Variants in KLF9 observed in about 807,000 individuals in gnomAD.
KLF9 encodes KLF transcription factor 9.
Under a neutral mutation model 17.3 loss-of-function variants are expected in KLF9, and 2 were observed. That is an observed-to-expected ratio of 0.12 (90% CI 0.05 to 0.36). KLF9 has a LOEUF of 0.36. KLF9 is among the 10% of genes least tolerant of loss of function. The probability of loss-of-function intolerance (pLI) is 1.00; values close to 1 mark genes in which losing one functional copy is unlikely to be tolerated. For synonymous variants in KLF9, 138 were observed against 139.2 expected (o/e 0.99, Z 0.06); for missense variants, 226 against 333.2 (o/e 0.68, Z 2.51).
At chr9:70,402,016 AAAAT>A (rs1446946481) in intron 1 of KLF9, among the ~76,000 whole-genome samples, 1 of 152,012 alleles carries the variant, frequency 6.6e-6, no homozygotes, top group Non-Finnish European at 1.5e-5. Flanking sequence ...TGTCTCAAAA[AAAAT>A]AAATAAATAA....
chr9:70,396,474 G>C (rs1318742306), intron 1 of KLF9, among the ~76,000 whole-genome samples: 1 of 152,036 alleles, frequency 6.6e-6, no homozygotes, highest in African/African-American at 2.4e-5. Context: ...AATATATATG[G>C]AGAGAAAAAA....
chr9:70,397,453 T>G (rs1051187128), intron 1 of KLF9, among the ~76,000 whole-genome samples: 3 of 151,466 alleles, frequency 2.0e-5, no homozygotes, highest in Non-Finnish European at 4.4e-5. Context: ...CCAGCCTGGG[T>G]GACAGAGTGA....
At chr9:70,392,159 TG>T (rs2037157148) in intron 1 of KLF9, among the ~76,000 whole-genome samples, 2 of 152,234 alleles carry the variant, frequency 1.3e-5, no homozygotes. Flanking sequence ...CACTCCAGTC[TG>T]GGCAACAGAG....
intron 1 of KLF9, among the ~76,000 whole-genome samples, chr9:70,399,424 G>A (rs1287703819): frequency 6.6e-6 from 1 of 152,178 alleles, no homozygotes; most frequent in Non-Finnish European, 1.5e-5. Context: ...CCCAGACTAT[G>A]CTGCCTTTGT....
chr9:70,405,450 T>C (rs1310490087), intron 1 of KLF9, among the ~76,000 whole-genome samples: 1 of 152,252 alleles, frequency 6.6e-6, no homozygotes, highest in African/African-American at 2.4e-5. Flanking sequence ...TTGGCCTTTC[T>C]CCTGTTCAAA....
intron 1 of KLF9, among the ~76,000 whole-genome samples, chr9:70,401,844 G>A (rs1024017037): frequency 7.3e-5 from 11 of 150,576 alleles, no homozygotes; most frequent in African/African-American, 2.0e-4. Flanking sequence ...GTAAAACCCC[G>A]TCTCTACTAA....
At chr9:70,394,298 TACACACACACAC>T (rs61688107) in intron 1 of KLF9, among the ~76,000 whole-genome samples, 1 of 150,302 alleles carries the variant, frequency 6.7e-6, no homozygotes. Context: ...TAACAGCTCA[TACACACACACAC>T]ACACACACAT....
intron 1 of KLF9, among the ~76,000 whole-genome samples, chr9:70,395,921 C>G (rs2037179444): frequency 6.6e-6 from 1 of 151,958 alleles, no homozygotes; most frequent in Non-Finnish European, 1.5e-5. Context: ...GGTAACAGAG[C>G]CAGACGCTGC....
In KLF9 at chr9:70,386,124, TCC is replaced by T; in HGVS notation, c.*1650_*1651del. 1 of 152,386 alleles carries T rather than the reference TCC, an allele frequency of 6.6e-6. No homozygotes were observed. The highest frequency in any genetic ancestry group is 1.5e-5 in the Non-Finnish European group (1 of 67,990). 9.4% of individuals were successfully genotyped at this position (152,386 alleles called of 1,614,324 possible). The stretch of plus-strand genomic sequence containing the variant: ...AGTATAAACTAGAGTGCACCATAGC[TCC>T]CTGTTTTAAATATCAGATAAAATCA... On this transcript the variant is annotated 3_prime_UTR_variant, in exon 2 of 2. Transcript: ENST00000377126.
At chr9:70,405,032 T>C (rs1220617476) in intron 1 of KLF9, among the ~76,000 whole-genome samples, 1 of 152,236 alleles carries the variant, frequency 6.6e-6, no homozygotes, top group Non-Finnish European at 1.5e-5. Context: ...GGTCAGGCCT[T>C]ACTCTTCATT....
chr9:70,398,752 A>G (rs1294235267), intron 1 of KLF9, among the ~76,000 whole-genome samples: 4 of 152,192 alleles, frequency 2.6e-5, no homozygotes, highest in Admixed American at 2.0e-4. Flanking sequence ...TTGGCCTCCC[A>G]AAGTGCTGAG....
chr9:70,391,468 G>C (rs1587738589), intron 1 of KLF9, among the ~76,000 whole-genome samples: 1 of 152,138 alleles, frequency 6.6e-6, no homozygotes, highest in Non-Finnish European at 1.5e-5. Context: ...TATCCCTGAA[G>C]TGTTTCACAG....
Position 70,413,487 on chromosome 9 carries a change from G to T in KLF9, c.-124C>A. ...GGCGCGGCACGGCGCGGCGGCCAAG[G>T]GGGCGGGGGCGCGGGGCGCTTCCGA... On this transcript the variant is annotated 5_prime_UTR_variant, in exon 1 of 2. Transcript: ENST00000377126. The surrounding 1 kb of genome is among the most constrained non-coding windows in gnomAD (Gnocchi z 5.6). 1.9e-6 allele frequency: 2 copies of T among 1,062,798 alleles called. No individual in the cohort carries two copies. Among genetic ancestry groups the T allele is most frequent in the South Asian group, 4.6e-5 (1 of 21,544 alleles). 65.8% of individuals were successfully genotyped at this position (1,062,798 alleles called of 1,614,324 possible). A position where few individuals can be genotyped will look rare whatever the true frequency, so the allele number is the denominator to read the frequency against.
At chr9:70,410,560 G>A (rs2037304725) in intron 1 of KLF9, among the ~76,000 whole-genome samples, 2 of 152,220 alleles carry the variant, frequency 1.3e-5, no homozygotes, top group South Asian at 2.1e-4. Context: ...AGCTGTATGT[G>A]TCTCTATAAG....
intron 1 of KLF9, among the ~76,000 whole-genome samples, chr9:70,409,278 T>C (rs1648923341): frequency 6.7e-6 from 1 of 148,172 alleles, no homozygotes; most frequent in Admixed American, 7.0e-5. Flanking sequence ...GGTTGGAATT[T>C]GGGGTTTTCT....
At chr9:70,400,944 CT>C (rs1218856338) in intron 1 of KLF9, among the ~76,000 whole-genome samples, 1 of 152,124 alleles carries the variant, frequency 6.6e-6, no homozygotes, top group African/African-American at 2.4e-5. Context: ...AACCCTCCCC[CT>C]GAGATCTCAG....
chr9:70,409,180 G>GTATATGTATATATA (rs2037291036), intron 1 of KLF9, among the ~76,000 whole-genome samples: 2 of 72,160 alleles, frequency 2.8e-5, no homozygotes. Context: ...GTATATATAT[G>GTATATGTATATATA]TATACATATA....
intron 1 of KLF9, among the ~76,000 whole-genome samples, chr9:70,402,746 G>A (rs559544767): frequency 3.9e-5 from 6 of 152,146 alleles, no homozygotes; most frequent in South Asian, 2.1e-4. Flanking sequence ...GAGATAGTTC[G>A]GAGCTCCTTC....
chr9:70,385,143 A>C lies in KLF9; in HGVS notation c.*2633T>G, dbSNP rs2037100943. On this transcript the variant is annotated 3_prime_UTR_variant, in exon 2 of 2. Transcript: ENST00000377126. ...GTTAAAAAAGTAAACAAAAATTACT[A>C]TCCTGCATTTGGATTTTCATAAGTT... The C allele has an allele frequency of 1.3e-5, 2 of 152,638 alleles. No homozygotes were observed. Among genetic ancestry groups the C allele is most frequent in the Admixed American group, 6.5e-5 (1 of 15,272 alleles). 9.5% of individuals were successfully genotyped at this position (152,638 alleles called of 1,614,324 possible).
Sources: gnomAD v4.1 joint callset for allele counts (sites outside exome capture counted in the v4.1 genomes callset) on GRCh38, gnomAD v4.1.1 for gene constraint, Gnocchi (gnomAD v3.1) non-coding constraint, MANE v1.5 for transcripts, NCBI Gene and HGNC (gene_info 2026-07-23, HGNC 2026-07-21) for gene names.